Variants in MSANTD5 observed in about 807,000 individuals in gnomAD.
The protein encoded by MSANTD5 is uncharacterized protein MSANTD5.
downstream of MSANTD5, among the ~76,000 whole-genome samples, chr5:178,693,634 C>G (rs1765379469): frequency 1.3e-5 from 2 of 152,012 alleles, no homozygotes; most frequent in Non-Finnish European, 2.9e-5. Flanking sequence ...CGAAAGAGGA[C>G]CTGAGCACCT....
chr5:178,696,794 G>A (rs1765417428), intron 1 of MSANTD5, among the ~76,000 whole-genome samples: 1 of 151,954 alleles, frequency 6.6e-6, no homozygotes, highest in Admixed American at 6.6e-5. Flanking sequence ...GCAGTACTGG[G>A]GAGAGGGTGG....
downstream of MSANTD5, among the ~76,000 whole-genome samples, chr5:178,694,318 A>C (rs1489999603): frequency 1.4e-5 from 2 of 146,344 alleles, no homozygotes; most frequent in Non-Finnish European, 3.0e-5. Context: ...TCCATCTCAA[A>C]AAAAAAAAAA....
chr5:178,700,132 G>A (rs1262109565), upstream of MSANTD5, among the ~76,000 whole-genome samples: 1 of 152,040 alleles, frequency 6.6e-6, no homozygotes, highest in East Asian at 1.9e-4. Flanking sequence ...CCTCCTGCAG[G>A]CCCCCGTCGC....
downstream of MSANTD5, among the ~76,000 whole-genome samples, chr5:178,694,315 C>CAAAAAAAAAAAAAAAAA (rs56778816): frequency 1.6e-5 from 1 of 61,552 alleles, no homozygotes; most frequent in African/African-American, 6.1e-5. Flanking sequence ...GACTCCATCT[C>CAAAAAAAAAAAAAAAAA]AAAAAAAAAA....
chr5:178,702,301 CTTTT>C (rs372575693), upstream of MSANTD5, among the ~76,000 whole-genome samples: 3 of 133,366 alleles, frequency 2.2e-5, no homozygotes, highest in Non-Finnish European at 3.2e-5. Context: ...CTTTTTTTTT[CTTTT>C]TTTTTTTTTT....
the MSANTD5 span, among the ~76,000 whole-genome samples, chr5:178,703,995 A>AAG: frequency 6.6e-6 from 1 of 152,052 alleles, no homozygotes; most frequent in East Asian, 1.9e-4. Context: ...AAAAAAAAAA[A>AAG]AAGAAATGAC....
chr5:178,699,320 C>T (rs1581734566), upstream of MSANTD5, among the ~76,000 whole-genome samples: 2 of 152,228 alleles, frequency 1.3e-5, no homozygotes, highest in African/African-American at 4.8e-5. Context: ...TAAATGGCAA[C>T]TGTATCCAGG....
At chr5:178,705,643 G>A in the MSANTD5 span, among the ~76,000 whole-genome samples, 5 of 152,114 alleles carry the variant, frequency 3.3e-5, no homozygotes, top group South Asian at 4.1e-4. Flanking sequence ...TCTGGGCCCC[G>A]TATCCCCAAC....
chr5:178,693,039 G>A (rs779570776), downstream of MSANTD5, among the ~76,000 whole-genome samples: 4 of 151,990 alleles, frequency 2.6e-5, no homozygotes, highest in Non-Finnish European at 4.4e-5. Flanking sequence ...GGCTGGGTTC[G>A]TAGCTCACGT....
chr5:178,705,788 T>C, the MSANTD5 span, among the ~76,000 whole-genome samples: 1 of 152,002 alleles, frequency 6.6e-6, no homozygotes, highest in Non-Finnish European at 1.5e-5. Context: ...AAACCCCATC[T>C]CTACTAAAAA....
At chr5:178,698,919 C>T (rs975947020), upstream of MSANTD5, among the ~76,000 whole-genome samples, 7 of 151,964 alleles carry the variant, frequency 4.6e-5, no homozygotes, top group African/African-American at 1.7e-4. Flanking sequence ...GAACAAACTC[C>T]ATGTGGCTTA....
chr5:178,693,629 G>C (rs1002037893), downstream of MSANTD5, among the ~76,000 whole-genome samples: 1 of 152,052 alleles, frequency 6.6e-6, no homozygotes. Context: ...CAGCACGAAA[G>C]AGGACCTGAG....
exon 4 of MSANTD5, chr5:178,694,705 TG>T (rs1427756688): frequency 6.6e-6 from 1 of 152,200 alleles, no homozygotes; most frequent in African/African-American, 2.4e-5. Context: ...CTTCAAGACC[TG>T]GATCAGTCAG....
upstream of MSANTD5, among the ~76,000 whole-genome samples, chr5:178,701,874 C>T (rs1399096205): frequency 2.0e-5 from 3 of 150,550 alleles, no homozygotes; most frequent in African/African-American, 7.3e-5. Context: ...GCTGGGATTA[C>T]AAACATGCAC....
upstream of MSANTD5, among the ~76,000 whole-genome samples, chr5:178,701,377 T>C (rs1022569272): frequency 6.6e-6 from 1 of 152,024 alleles, no homozygotes; most frequent in South Asian, 2.1e-4. Flanking sequence ...TTTGGCTGGA[T>C]TTTTGGAAAC....
At chr5:178,704,695 G>A in the MSANTD5 span, among the ~76,000 whole-genome samples, 1 of 152,244 alleles carries the variant, frequency 6.6e-6, no homozygotes, top group Non-Finnish European at 1.5e-5. Flanking sequence ...AGGAATGTCA[G>A]AAGTGTCCCC....
the MSANTD5 span, among the ~76,000 whole-genome samples, chr5:178,703,964 G>C: frequency 9.8e-5 from 14 of 143,174 alleles, no homozygotes; most frequent in African/African-American, 3.7e-4. Flanking sequence ...CTGGGGGACA[G>C]AGCAAGACTC....
the MSANTD5 span, among the ~76,000 whole-genome samples, chr5:178,705,851 G>A: frequency 6.6e-6 from 1 of 152,114 alleles, no homozygotes; most frequent in African/African-American, 2.4e-5. Flanking sequence ...CAGCTACTCA[G>A]GAGGCTGAGG....
chr5:178,700,271 T>C (rs1400554059), upstream of MSANTD5, among the ~76,000 whole-genome samples: 1 of 152,192 alleles, frequency 6.6e-6, no homozygotes, highest in East Asian at 1.9e-4. Context: ...CACTGGCCTA[T>C]GCGTTCAGTG....
Sources: gnomAD v4.1 joint callset for allele counts (sites outside exome capture counted in the v4.1 genomes callset) on GRCh38, gnomAD v4.1.1 for gene constraint, MANE v1.5 for transcripts, NCBI Gene and HGNC (gene_info 2026-07-23, HGNC 2026-07-21) for gene names.